DDHD1: variants seen among roughly 807,000 people sequenced by gnomAD.
DDHD1 encodes the protein DDHD domain containing 1.
A neutral mutation model predicts 96.4 loss-of-function variants in DDHD1; 49 were observed. The ratio of observed to expected loss-of-function variants is 0.51; its 90% CI spans 0.40 to 0.64. The LOEUF is 0.64. Among genes scored for constraint, DDHD1 ranks in the 30% least tolerant of loss-of-function variants. The pLI is 0.00. For missense variants in DDHD1, 1,106 were observed against 1,161.2 expected (o/e 0.95, Z 0.69); for synonymous variants, 442 against 446.5 (o/e 0.99, Z 0.13).
intron 1 of DDHD1, among the ~76,000 whole-genome samples, chr14:53,111,823 G>C (rs1012889006): frequency 1.3e-5 from 2 of 152,060 alleles, no homozygotes; most frequent in African/African-American, 4.8e-5. Flanking sequence ...AAATTAGTCT[G>C]GTTATTGAAA....
chr14:53,124,596 A>G (rs762997006), intron 1 of DDHD1, among the ~76,000 whole-genome samples: 2 of 152,224 alleles, frequency 1.3e-5, no homozygotes, highest in Admixed American at 6.5e-5. Context: ...GATAATGTCA[A>G]TAGTATTTAC....
chr14:53,147,236 C>G (rs1891059728), intron 1 of DDHD1, among the ~76,000 whole-genome samples: 1 of 152,070 alleles, frequency 6.6e-6, no homozygotes, highest in South Asian at 2.1e-4. Context: ...TTCCAGACAT[C>G]AAAGTTCTCA....
chr14:53,060,007 T>C (rs1465872189), intron 8 of DDHD1, among the ~76,000 whole-genome samples: 1 of 151,010 alleles, frequency 6.6e-6, no homozygotes, highest in East Asian at 1.9e-4. Flanking sequence ...GTATGGTATA[T>C]ATTTTTTTTA....
At chr14:53,087,110 C>T (rs1305532028) in intron 4 of DDHD1, among the ~76,000 whole-genome samples, 3 of 151,568 alleles carry the variant, frequency 2.0e-5, no homozygotes, top group African/African-American at 7.3e-5. Flanking sequence ...GAAGAGCTAA[C>T]TATCCTAAAT....
rs10135166 is a variant in DDHD1 at position 53,038,417 on chromosome 14, A to G, written c.*8351T>C. On this transcript the variant is annotated 3_prime_UTR_variant, in exon 13 of 13. Coordinates refer to ENST00000673822, the MANE Select transcript of DDHD1 (RefSeq NM_001160148.2). ...AATCAAGAACCCAATACCATTTACAATAGCCATAAAAAAACTGAAATACTT... is the reference window on the plus strand; with the variant it reads ...AATCAAGAACCCAATACCATTTACAGTAGCCATAAAAAAACTGAAATACTT... The G allele has an allele frequency of 0.57, 86,222 of 151,942 alleles. 26,056 individuals are homozygous for G. The highest frequency in any genetic ancestry group is 0.7 in the South Asian group (3,353 of 4,814). The allele number at this position is 151,942 out of a possible 1,614,324, so 9.4% of individuals were successfully genotyped here.
At position 53,080,291 on chromosome 14, in the gene DDHD1, G is replaced by A. The variant is rs181883536; in HGVS notation, c.1290-6444C>T. 2.5e-3 allele frequency among the ~76,000 whole-genome samples: 380 copies of A among 152,222 alleles called. 2 individuals are homozygous for A. The highest frequency in any genetic ancestry group is 9.0e-3 in the African/African-American group (373 of 41,534). On this transcript the variant is annotated intron_variant, in intron 4 of 12. Transcript: ENST00000673822. ...CAGAAGAATTGCTTGAACCCAGGAG[G>A]TGGAGGCTGCAGTGAACTGAGATCA...
At chr14:53,089,720 A>C (rs1461437895) in intron 4 of DDHD1, among the ~76,000 whole-genome samples, 1 of 152,202 alleles carries the variant, frequency 6.6e-6, no homozygotes, top group African/African-American at 2.4e-5. Flanking sequence ...TAAGGACTTA[A>C]ATGTTAGACC....
chr14:53,081,055 A>T (rs937506977), intron 4 of DDHD1, among the ~76,000 whole-genome samples: 3 of 152,182 alleles, frequency 2.0e-5, no homozygotes, highest in Non-Finnish European at 4.4e-5. Context: ...ATTGCATTAT[A>T]ATTATGTTTA....
intron 1 of DDHD1, among the ~76,000 whole-genome samples, chr14:53,145,279 G>C (rs1488366268): frequency 4.6e-5 from 7 of 151,982 alleles, no homozygotes; most frequent in African/African-American, 1.7e-4. Context: ...CAGGAGGGCT[G>C]CTTGAGCCCA....
At chr14:53,121,971 C>T (rs1271143374) in intron 1 of DDHD1, among the ~76,000 whole-genome samples, 1 of 151,622 alleles carries the variant, frequency 6.6e-6, no homozygotes, top group Non-Finnish European at 1.5e-5. Flanking sequence ...CCACTTACTG[C>T]CTCTCAGCTC....
chr14:53,080,591 T>C (rs564376119), intron 4 of DDHD1, among the ~76,000 whole-genome samples: 16 of 152,118 alleles, frequency 1.1e-4, no homozygotes, highest in Non-Finnish European at 2.1e-4. Context: ...TTTATCAATA[T>C]TTTTCCTTAT....
intron 2 of DDHD1, among the ~76,000 whole-genome samples, chr14:53,097,798 T>G (rs1273615783): frequency 6.6e-6 from 1 of 151,972 alleles, no homozygotes; most frequent in Non-Finnish European, 1.5e-5. Flanking sequence ...AAGGCTTTCT[T>G]TTCTAAAAGA....
In DDHD1 at chr14:53,079,832, A is replaced by G. The variant is rs538568521; in HGVS notation, c.1290-5985T>C. 1.8e-3 allele frequency among the ~76,000 whole-genome samples: 276 copies of G among 152,314 alleles called. 1 individual carries two copies. Among genetic ancestry groups the G allele is most frequent in the African/African-American group, 6.3e-3 (263 of 41,572 alleles). On this transcript the variant is annotated intron_variant, in intron 4 of 12. Transcript: ENST00000673822. Reference sequence around the variant, plus strand: ...GAGTAGTTTCCTACGTGATGCTGCAATCAAAAGCCTTGTGCATGCCTCTTT... The same window carrying G: ...GAGTAGTTTCCTACGTGATGCTGCAGTCAAAAGCCTTGTGCATGCCTCTTT...
At chr14:53,107,555 C>A (rs563657879) in intron 1 of DDHD1, among the ~76,000 whole-genome samples, 1 of 152,260 alleles carries the variant, frequency 6.6e-6, no homozygotes, top group African/African-American at 2.4e-5. Context: ...CTTTGGGAGG[C>A]CGAGGCAGGA....
intron 6 of DDHD1, among the ~76,000 whole-genome samples, chr14:53,065,158 C>T (rs1322621850): frequency 6.6e-6 from 1 of 152,124 alleles, no homozygotes; most frequent in Non-Finnish European, 1.5e-5. Flanking sequence ...ATTTCCATAA[C>T]CACTGCTCAA....
At chr14:53,074,102 T>C (rs1187682521) in intron 4 of DDHD1, among the ~76,000 whole-genome samples, 2 of 152,038 alleles carry the variant, frequency 1.3e-5, no homozygotes, top group African/African-American at 4.8e-5. Context: ...AATAATTATA[T>C]GTAAGAATTT....
chr14:53,046,984 A>C, intron 12 of DDHD1, 35 bp from the exon 13 acceptor site: 1 of 1,543,804 alleles, frequency 6.5e-7, no homozygotes, highest in Non-Finnish European at 8.8e-7. Flanking sequence ...ATGAATACAG[A>C]TTATAATAAA....
At chr14:53,151,492 A>C (rs1891364382) in intron 1 of DDHD1, among the ~76,000 whole-genome samples, 3 of 152,178 alleles carry the variant, frequency 2.0e-5, no homozygotes, top group African/African-American at 7.2e-5. Flanking sequence ...CACTCATATC[A>C]CACGTAAGTA....
chr14:53,119,046 T>C (rs1245746863), intron 1 of DDHD1, among the ~76,000 whole-genome samples: 1 of 152,166 alleles, frequency 6.6e-6, no homozygotes, highest in South Asian at 2.1e-4. Flanking sequence ...ACCCAGAATC[T>C]CATATTCAGC....
Sources: gnomAD v4.1 joint callset for allele counts (sites outside exome capture counted in the v4.1 genomes callset) on GRCh38, gnomAD v4.1.1 for gene constraint, MANE v1.5 for transcripts, NCBI Gene and HGNC (gene_info 2026-07-23, HGNC 2026-07-21) for gene names.